PTPRD: variants seen among roughly 807,000 people sequenced by gnomAD.
PTPRD encodes the protein protein tyrosine phosphatase receptor type D.
In PTPRD, 34 loss-of-function variants were observed where a neutral mutation model predicts 214.5. That is an observed-to-expected ratio of 0.16 (90% CI 0.12 to 0.21). The LOEUF (loss-of-function observed/expected upper bound fraction) is 0.21, where lower values mean the gene tolerates loss of function less well. Ranked by LOEUF, PTPRD falls within the 10% of genes least tolerant of loss-of-function variation. The probability of loss-of-function intolerance (pLI) is 1.00; values close to 1 mark genes in which losing one functional copy is unlikely to be tolerated. For synonymous variants in PTPRD, 1,128 were observed against 845.7 expected (o/e 1.33, Z -5.79); for missense variants, 2,545 against 2,398.7 (o/e 1.06, Z -1.27).
chr9:9,585,445 C>T (rs16929823), intron 7 of PTPRD, among the ~76,000 whole-genome samples: 15,791 of 152,080 alleles, frequency 0.1, 2,218 homozygotes, highest in African/African-American at 0.32. Flanking sequence ...GTATTTCTGG[C>T]CTAGGTGCTA....
chr9:8,403,176 G>A (rs1041644584), intron 36 of PTPRD, among the ~76,000 whole-genome samples: 1 of 152,194 alleles, frequency 6.6e-6, no homozygotes, highest in African/African-American at 2.4e-5. Context: ...GCAGGTAGGA[G>A]ATGTGGTCAG....
chr9:8,638,188 A>C (rs1221349875), intron 12 of PTPRD, among the ~76,000 whole-genome samples: 1 of 151,150 alleles, frequency 6.6e-6, no homozygotes, highest in Non-Finnish European at 1.5e-5. Context: ...GTCATTGAAA[A>C]GTGGTTTTAA....
intron 4 of PTPRD, among the ~76,000 whole-genome samples, chr9:10,023,867 T>G (rs10755996): frequency 0.55 from 83,826 of 151,918 alleles, 24,160 homozygotes; most frequent in South Asian, 0.66. Flanking sequence ...CAAAAATGCT[T>G]CTTTGTTCTT....
chr9:9,653,124 T>C (rs1323044976), intron 7 of PTPRD, among the ~76,000 whole-genome samples: 23 of 147,476 alleles, frequency 1.6e-4, no homozygotes, highest in Non-Finnish European at 8.9e-5. Context: ...GGGTGGATCA[T>C]GAGGTCAGGA....
intron 11 of PTPRD, among the ~76,000 whole-genome samples, chr9:8,781,631 A>G (rs2095701928): frequency 6.9e-6 from 1 of 145,928 alleles, no homozygotes; most frequent in Non-Finnish European, 1.5e-5. Context: ...CTATGCTAAT[A>G]TTTTGCAATA....
intron 2 of PTPRD, among the ~76,000 whole-genome samples, chr9:10,355,327 G>T (rs576511210): frequency 6.6e-6 from 1 of 152,148 alleles, no homozygotes; most frequent in Non-Finnish European, 1.5e-5. Context: ...ACTACTCAAG[G>T]TACTCAGACT....
intron 3 of PTPRD, among the ~76,000 whole-genome samples, chr9:10,185,698 A>T (rs543051181): frequency 9.9e-5 from 15 of 152,258 alleles, no homozygotes; most frequent in Admixed American, 8.5e-4. Flanking sequence ...TGTATTGCAG[A>T]TTATAATTAA....
intron 9 of PTPRD, among the ~76,000 whole-genome samples, chr9:9,194,811 G>T (rs149636817): frequency 9.1e-4 from 138 of 152,084 alleles, no homozygotes; most frequent in African/African-American, 2.6e-3. Context: ...TTACTAAAAG[G>T]GGATGTGGAA....
chr9:9,438,378 G>C (rs1407825423), intron 8 of PTPRD, among the ~76,000 whole-genome samples: 1 of 152,124 alleles, frequency 6.6e-6, no homozygotes, highest in East Asian at 1.9e-4. Flanking sequence ...GTGGAACTGA[G>C]AAATAAATAA....
intron 3 of PTPRD, among the ~76,000 whole-genome samples, chr9:10,332,993 GA>G (rs532171860): frequency 1.2e-3 from 183 of 151,910 alleles, no homozygotes; most frequent in African/African-American, 4.3e-3. Flanking sequence ...ACTCCTCAAA[GA>G]AAGATATTTT....
intron 2 of PTPRD, among the ~76,000 whole-genome samples, chr9:10,463,473 A>G (rs1330511120): frequency 3.3e-5 from 5 of 152,274 alleles, no homozygotes; most frequent in African/African-American, 9.6e-5. Context: ...GTTTATTTCA[A>G]TTCACTTGGT....
intron 3 of PTPRD, among the ~76,000 whole-genome samples, chr9:10,075,669 C>T (rs951995347): frequency 1.3e-5 from 2 of 151,350 alleles, no homozygotes; most frequent in Admixed American, 6.6e-5. Context: ...CTTTGTTTCT[C>T]TCATTTTCTG....
intron 9 of PTPRD, among the ~76,000 whole-genome samples, chr9:9,370,462 G>A (rs973278051): frequency 1.6e-4 from 24 of 151,090 alleles, no homozygotes; most frequent in African/African-American, 5.4e-4. Flanking sequence ...CATTGATTTT[G>A]TATGCTGAGA....
At chr9:8,358,039 G>A (rs1166743649) in intron 39 of PTPRD, among the ~76,000 whole-genome samples, 2 of 152,092 alleles carry the variant, frequency 1.3e-5, no homozygotes, top group African/African-American at 4.8e-5. Flanking sequence ...ATACCCTTCA[G>A]ATTCTTGCAT....
At chr9:9,364,563 A>G (rs2057319966) in intron 9 of PTPRD, among the ~76,000 whole-genome samples, 1 of 151,450 alleles carries the variant, frequency 6.6e-6, no homozygotes, top group South Asian at 2.1e-4. Flanking sequence ...TGCAGAAAGA[A>G]AAGTCCTAGG....
chr9:8,882,017 G>A (rs1405405427), intron 11 of PTPRD, among the ~76,000 whole-genome samples: 1 of 152,176 alleles, frequency 6.6e-6, no homozygotes, highest in East Asian at 1.9e-4. Context: ...AAAAATAAGT[G>A]GAGAAGAGAA....
At chr9:8,852,725 G>A (rs2097844561) in intron 11 of PTPRD, among the ~76,000 whole-genome samples, 1 of 152,130 alleles carries the variant, frequency 6.6e-6, no homozygotes, top group Non-Finnish European at 1.5e-5. Flanking sequence ...TGATTTGAAG[G>A]ACAGCAGAGG....
intron 10 of PTPRD, among the ~76,000 whole-genome samples, chr9:9,068,724 G>A (rs1234357437): frequency 1.3e-5 from 2 of 152,122 alleles, no homozygotes; most frequent in East Asian, 1.9e-4. Context: ...CAATTCTCCT[G>A]CCTCAGCCTC....
chr9:8,366,955 A>G (rs1054891842), intron 39 of PTPRD, among the ~76,000 whole-genome samples: 4 of 152,192 alleles, frequency 2.6e-5, no homozygotes, highest in Admixed American at 6.5e-5. Context: ...TTGGCAGTAG[A>G]GTTAAACGCC....
Sources: gnomAD v4.1 joint callset for allele counts (sites outside exome capture counted in the v4.1 genomes callset) on GRCh38, gnomAD v4.1.1 for gene constraint, MANE v1.5 for transcripts, NCBI Gene and HGNC (gene_info 2026-07-23, HGNC 2026-07-21) for gene names.